The following PEX5L variants were observed in gnomAD, a reference collection of about 807,000 sequenced individuals.
The protein encoded by PEX5L is PEX5-related protein.
In PEX5L, 30 loss-of-function variants were observed where a neutral mutation model predicts 84.0. That is an observed-to-expected ratio of 0.36 (90% CI 0.27 to 0.48). The LOEUF is 0.48. Ranked by LOEUF, PEX5L falls within the 20% of genes least tolerant of loss-of-function variation. The pLI, the probability that PEX5L is intolerant of heterozygous loss-of-function variation, is 0.99. For missense variants in PEX5L, 533 were observed against 754.6 expected, an observed-to-expected ratio of 0.71 and a Z score of 3.44; for synonymous variants, 270 against 283.1, an observed-to-expected ratio of 0.95 and a Z score of 0.46.
chr3:179,851,120 G>A (rs916416331), intron 8 of PEX5L, among the ~76,000 whole-genome samples: 7 of 152,184 alleles, frequency 4.6e-5, no homozygotes, highest in African/African-American at 1.7e-4. Context: ...GTTGTTTTGA[G>A]TATGGCATCT....
intron 2 of PEX5L, among the ~76,000 whole-genome samples, chr3:179,926,164 C>T (rs951350926): frequency 6.6e-6 from 1 of 152,158 alleles, no homozygotes; most frequent in Non-Finnish European, 1.5e-5. Context: ...GACCACTTCT[C>T]GCCACCACCA....
intron 2 of PEX5L, among the ~76,000 whole-genome samples, chr3:179,917,355 G>A (rs1767572725): frequency 6.6e-6 from 1 of 151,400 alleles, no homozygotes; most frequent in South Asian, 2.1e-4. Context: ...TTTAAAATAA[G>A]CTGAAGGAGT....
At chr3:179,872,812 T>G (rs2108684452) in intron 7 of PEX5L, among the ~76,000 whole-genome samples, 1 of 152,360 alleles carries the variant, frequency 6.6e-6, no homozygotes, top group Non-Finnish European at 1.5e-5. Context: ...TCACTTTAGC[T>G]GAGCCTAAAT....
At chr3:179,947,589 A>G (rs1017678108) in intron 2 of PEX5L, among the ~76,000 whole-genome samples, 1 of 152,156 alleles carries the variant, frequency 6.6e-6, no homozygotes, top group East Asian at 1.9e-4. Flanking sequence ...AACATTCCCA[A>G]ACAAAGCAAA....
At chr3:179,854,368 A>T (rs1185809596) in intron 8 of PEX5L, among the ~76,000 whole-genome samples, 1 of 152,080 alleles carries the variant, frequency 6.6e-6, no homozygotes, top group African/African-American at 2.4e-5. Context: ...CCAAAAACTT[A>T]GTCGATTTGC....
chr3:179,817,443 T>A (rs1209255928), intron 9 of PEX5L, among the ~76,000 whole-genome samples: 2 of 152,214 alleles, frequency 1.3e-5, no homozygotes, highest in African/African-American at 2.4e-5. Context: ...GTTTTTGTTA[T>A]CATAAATAAA....
chr3:179,882,062 T>C (rs1346756858), intron 4 of PEX5L, among the ~76,000 whole-genome samples: 1 of 152,212 alleles, frequency 6.6e-6, no homozygotes, highest in Non-Finnish European at 1.5e-5. Flanking sequence ...CAGACCACTA[T>C]TATGTTGGCA....
intron 9 of PEX5L, among the ~76,000 whole-genome samples, chr3:179,818,442 A>G (rs969100518): frequency 6.6e-6 from 1 of 152,154 alleles, no homozygotes; most frequent in Non-Finnish European, 1.5e-5. Context: ...TTTGTGTTAT[A>G]AAGAATCCAA....
intron 10 of PEX5L, among the ~76,000 whole-genome samples, chr3:179,814,236 C>T (rs1725170780): frequency 6.6e-6 from 1 of 152,212 alleles, no homozygotes; most frequent in Non-Finnish European, 1.5e-5. Flanking sequence ...TCAGTTTACT[C>T]ATTCTTCCTA....
chr3:180,000,616 G>A, intron 1 of PEX5L, among the ~76,000 whole-genome samples: 1 of 151,996 alleles, frequency 6.6e-6, no homozygotes, highest in East Asian at 1.9e-4. Context: ...AACAAGGACT[G>A]TAATTGACAT....
In PEX5L at chr3:179,895,758, C is replaced by A. The variant is rs577618244; in HGVS notation, c.198+2384G>T. The A allele has an allele frequency of 3.3e-5, 5 of 152,186 alleles. No individual in the cohort carries two copies. The East Asian group carries it at 5.8e-4, about 18-fold the overall frequency. 9.4% of individuals were successfully genotyped at this position (152,186 alleles called of 1,614,324 possible). A position where few individuals can be genotyped will look rare whatever the true frequency, so the allele number is the denominator to read the frequency against. ...TATGGGATTATTCTACACTTACAGTCTGTTGAGTGAAAAGTTATGAAATAA... is the reference window on the plus strand; with the variant it reads ...TATGGGATTATTCTACACTTACAGTATGTTGAGTGAAAAGTTATGAAATAA... On this transcript the variant is annotated intron_variant, in intron 3 of 14. Transcript: ENST00000467460.
chr3:179,940,646 T>C (rs1251949855), intron 2 of PEX5L, among the ~76,000 whole-genome samples: 1 of 152,192 alleles, frequency 6.6e-6, no homozygotes, highest in Non-Finnish European at 1.5e-5. Flanking sequence ...TTAATTTACC[T>C]CTAAAGGAAC....
intron 8 of PEX5L, among the ~76,000 whole-genome samples, chr3:179,854,149 T>C (rs1312842989): frequency 6.7e-6 from 1 of 150,358 alleles, no homozygotes; most frequent in Non-Finnish European, 1.5e-5. Context: ...CACGCCAGAC[T>C]TGATGTTTCA....
At chr3:179,867,224 C>A (rs1278496776) in intron 7 of PEX5L, among the ~76,000 whole-genome samples, 2 of 151,848 alleles carry the variant, frequency 1.3e-5, no homozygotes, top group African/African-American at 4.8e-5. Context: ...TATTATCGGG[C>A]AAAACTAAAA....
At chr3:179,931,031 A>C (rs1343860767) in intron 2 of PEX5L, among the ~76,000 whole-genome samples, 3 of 152,214 alleles carry the variant, frequency 2.0e-5, no homozygotes, top group African/African-American at 7.2e-5. Flanking sequence ...ATGTTTAAGA[A>C]ATGAATAAAT....
At chr3:179,935,486 G>A (rs890228546) in intron 2 of PEX5L, among the ~76,000 whole-genome samples, 3 of 152,112 alleles carry the variant, frequency 2.0e-5, no homozygotes, top group Admixed American at 2.0e-4. Context: ...CACCCCATGC[G>A]GGATGTGCTT....
chr3:179,929,558 G>A (rs1411182532), intron 2 of PEX5L, among the ~76,000 whole-genome samples: 1 of 147,184 alleles, frequency 6.8e-6, no homozygotes, highest in Non-Finnish European at 1.5e-5. Context: ...AAACCTTATA[G>A]TTTGGAGCAG....
At chr3:179,866,127 G>A (rs1015133859) in intron 7 of PEX5L, among the ~76,000 whole-genome samples, 8 of 152,064 alleles carry the variant, frequency 5.3e-5, no homozygotes, top group Admixed American at 3.3e-4. Context: ...ATAAGCACTA[G>A]GTAAAGAGAG....
intron 3 of PEX5L, among the ~76,000 whole-genome samples, chr3:179,892,811 A>C (rs1757996322): frequency 6.6e-6 from 1 of 152,094 alleles, no homozygotes; most frequent in African/African-American, 2.4e-5. Flanking sequence ...GAGAATGCCT[A>C]ATGAAAAAAA....
Sources: allele counts gnomAD v4.1 joint callset (sites outside exome capture counted in the v4.1 genomes callset), GRCh38; gene constraint gnomAD v4.1.1; transcripts MANE v1.5; gene names NCBI Gene and HGNC (gene_info 2026-07-23, HGNC 2026-07-21).